The following ADAMTS8 variants were observed in gnomAD, a reference collection of about 807,000 sequenced individuals.
ADAMTS8 encodes ADAM metallopeptidase with thrombospondin type 1 motif 8.
Under a neutral mutation model 64.4 loss-of-function variants are expected in ADAMTS8, and 50 were observed. The observed-to-expected ratio is 0.78, with a 90% confidence interval of 0.62 to 0.98. ADAMTS8 has a LOEUF of 0.98. ADAMTS8 is among the 50% of genes least tolerant of loss of function. ADAMTS8 has a pLI of 0.00. For synonymous variants in ADAMTS8, 556 were observed against 533.6 expected, an observed-to-expected ratio of 1.04 and a Z score of -0.58; for missense variants, 1,192 against 1,208.2, an observed-to-expected ratio of 0.99 and a Z score of 0.20.
At position 130,428,296 on chromosome 11, in the gene ADAMTS8, G is replaced by A; in HGVS notation, c.-10C>T. 8.1e-7 allele frequency: 1 copy of A among 1,241,976 alleles called. No individual in the cohort carries two copies. Among genetic ancestry groups the A allele is most frequent in the South Asian group, 2.2e-5 (1 of 44,592 alleles). The allele number at this position is 1,241,976 out of a possible 1,614,324, so 76.9% of individuals were successfully genotyped here. ...CGGGGGCGGGGAGCATGGGGGCTGC[G>A]GCGGTGGCTGCGCGCAGGAGAGGGA... On this transcript the variant is annotated 5_prime_UTR_variant, in exon 1 of 9. Coordinates refer to ENST00000257359, the MANE Select transcript of ADAMTS8 (RefSeq NM_007037.6).
chr11:130,412,212 C>A (rs901034113), intron 5 of ADAMTS8: 1 of 152,302 alleles, frequency 6.6e-6, no homozygotes, highest in African/African-American at 2.4e-5. Context: ...GGGAAAGAAA[C>A]AGAATTGCTT....
chr11:130,428,117 A>G lies in ADAMTS8; in HGVS notation c.170T>C (p.Leu57Pro). 1 of 1,517,884 alleles carries G rather than the reference A, an allele frequency of 6.6e-7. No homozygotes were observed. The highest frequency in any genetic ancestry group is 1.2e-5 in the South Asian group (1 of 82,186). 94.0% of individuals were successfully genotyped at this position (1,517,884 alleles called of 1,614,324 possible). Residue 57 changes from leucine (L) to proline (P), a missense_variant, in exon 1 of 9, where the codon CTG becomes CCG. Coordinates refer to ENST00000257359, the MANE Select transcript of ADAMTS8 (RefSeq NM_007037.6). ...CACGAAGCCCTTGCCGAAGGCGGAC[A>G]GGTGGAGCGCGAGCTCGCCCGCGCT... is the stretch of plus-strand genomic sequence containing the variant. Reference protein sequence around the residue: ...PGSAGELALHLSAFGKGFVLR... With the variant: ...PGSAGELALHPSAFGKGFVLR...
chr11:130,411,126 A>C lies in ADAMTS8; in HGVS notation c.1750+291T>G, dbSNP rs1592129266. Among the ~76,000 whole-genome samples the C allele has an allele frequency of 6.6e-6, 1 of 152,254 alleles. No homozygotes were observed. Among genetic ancestry groups the C allele is most frequent in the African/African-American group, 2.4e-5 (1 of 41,554 alleles). On this transcript the variant is annotated intron_variant, in intron 6 of 8. Transcript: ENST00000257359. This position sits in a 1 kb window ranked among gnomAD's most constrained non-coding sequence, Gnocchi z 4.2. ...TTGGGAGTGATGTCCTCCTCTCCAC[A>C]TCTTGGAAGATGAGCGTAATTTCTC...
At chr11:130,427,149 A>G (rs527577743) in intron 1 of ADAMTS8, among the ~76,000 whole-genome samples, 81 of 152,332 alleles carry the variant, frequency 5.3e-4, no homozygotes, top group African/African-American at 1.8e-3. Context: ...TCAGATCTGG[A>G]GGCAGTAGAG....
chr11:130,407,384 T>A (rs1237125297), intron 8 of ADAMTS8, among the ~76,000 whole-genome samples: 7 of 151,256 alleles, frequency 4.6e-5, no homozygotes, highest in African/African-American at 1.2e-4. Flanking sequence ...AAAAATAAAT[T>A]AAAAAAAATG....
intron 1 of ADAMTS8, among the ~76,000 whole-genome samples, chr11:130,420,368 C>T (rs757989970): frequency 3.3e-5 from 5 of 152,302 alleles, no homozygotes; most frequent in South Asian, 4.1e-4. Flanking sequence ...GATGGGAACT[C>T]GCTCTCCTGC....
intron 1 of ADAMTS8, among the ~76,000 whole-genome samples, chr11:130,420,385 G>A (rs746644736): frequency 3.3e-5 from 5 of 152,172 alleles, no homozygotes; most frequent in African/African-American, 4.8e-5. Context: ...CTGCCTCAGC[G>A]ACCCCTTGAA....
At chr11:130,426,362 T>A (rs748150787) in intron 1 of ADAMTS8, among the ~76,000 whole-genome samples, 4 of 152,216 alleles carry the variant, frequency 2.6e-5, no homozygotes, top group Non-Finnish European at 5.9e-5. Flanking sequence ...AGGCAATGCC[T>A]ATGCCCTTGG....
chr11:130,428,571 G>T lies in ADAMTS8; in HGVS notation c.-285C>A, dbSNP rs563151610. On this transcript the variant is annotated 5_prime_UTR_variant, in exon 1 of 9. Coordinates refer to ENST00000257359, the MANE Select transcript of ADAMTS8 (RefSeq NM_007037.6). ...CCGCCCCTGCCCGCGCCAGCCCCGC[G>T]CAGCCGCCTCCTGCCTCCTCCCCAC... 6.3e-6 allele frequency: 3 copies of T among 477,590 alleles called. No individual in the cohort carries two copies. Among genetic ancestry groups the T allele is most frequent in the South Asian group, 1.7e-4 (2 of 11,980 alleles). 29.6% of individuals were successfully genotyped at this position (477,590 alleles called of 1,614,324 possible). A position where few individuals can be genotyped will look rare whatever the true frequency, so the allele number is the denominator to read the frequency against.
rs1352095842 is a variant in ADAMTS8, at chr11:130,419,906, C to T, written c.721-614G>A. Among the ~76,000 whole-genome samples the T allele has an allele frequency of 2.0e-5, 3 of 152,172 alleles. No individual in the cohort carries two copies. The East Asian group carries it at 5.8e-4, about 29-fold the overall frequency. On this transcript the variant is annotated intron_variant, in intron 1 of 8. Coordinates refer to ENST00000257359, the MANE Select transcript of ADAMTS8 (RefSeq NM_007037.6). ...CTCTTTGGGGGGGGATTTGTTAACA[C>T]TGAAAACTTTGCTGTGATAATCACT...
chr11:130,417,123 G>A (rs769723064), intron 2 of ADAMTS8, 48 bp from the exon 3 acceptor site: 4 of 1,608,254 alleles, frequency 2.5e-6, no homozygotes, highest in Middle Eastern at 1.8e-4. Flanking sequence ...TGTGTGTGGG[G>A]TGCGCTGCAG....
chr11:130,424,361 G>A (rs995568334), intron 1 of ADAMTS8, among the ~76,000 whole-genome samples: 1 of 152,206 alleles, frequency 6.6e-6, no homozygotes, highest in African/African-American at 2.4e-5. Flanking sequence ...TTTCATGGAG[G>A]TGATGTGTGT....
rs971234211 is a variant in ADAMTS8 at position 130,424,709 on chromosome 11, T to C, written c.720+2858A>G. 6.6e-5 allele frequency among the ~76,000 whole-genome samples: 10 copies of C among 152,316 alleles called. No individual in the cohort carries two copies. The South Asian group carries it at 1.0e-3, about 16-fold the overall frequency. ...TTCATTCTTCTCTCAGCTGGGCTCA[T>C]GGATCTGTTTTCGGAAGCGCAGGGG... On this transcript the variant is annotated intron_variant, in intron 1 of 8. Transcript: ENST00000257359.
chr11:130,406,637 GTAT>G (rs67994321), intron 8 of ADAMTS8, among the ~76,000 whole-genome samples: 18,102 of 148,534 alleles, frequency 0.12, 1,410 homozygotes, highest in African/African-American at 0.22. Flanking sequence ...TCGGCTCCTA[GTAT>G]TTGATGAATA....
At position 130,411,517 on chromosome 11, in the gene ADAMTS8, G is replaced by T; in HGVS notation, c.1650C>A (p.His550Gln). ...RTCGGGVQFS[H>Q]RECKDPEPQN... ...GAGGCTCGGGGTCCTTGCACTCACG[G>T]TGTGAAAACTGTACTCCTCCTCCAC... The change falls in exon 6 of 9, where the codon CAC becomes CAA. Residue 550 changes from histidine (H) to glutamine (Q), a missense_variant. Physicochemically the swap from His to Gln is conservative, Grantham distance 24 (BLOSUM62 0). Coordinates refer to ENST00000257359, the MANE Select transcript of ADAMTS8 (RefSeq NM_007037.6). This position sits in a 1 kb window ranked among gnomAD's most constrained non-coding sequence, Gnocchi z 4.2. 1.2e-6 allele frequency: 2 copies of T among 1,614,162 alleles called. No individual in the cohort carries two copies. The highest frequency in any genetic ancestry group is 1.7e-6 in the Non-Finnish European group (2 of 1,180,038).
At chr11:130,420,859 C>CA (rs2134688309) in intron 1 of ADAMTS8, among the ~76,000 whole-genome samples, 1 of 152,284 alleles carries the variant, frequency 6.6e-6, no homozygotes, top group South Asian at 2.1e-4. Context: ...CATCATTATG[C>CA]AACCGGGGGT....
Position 130,417,080 on chromosome 11 carries a change from G to C in ADAMTS8, c.961-5C>G. ...CCCCTCCTGCCCACAGAAGTTCTGC[G>C]TGGCGGGGAGAGAGCAAGAGAGTGC... On this transcript the variant is annotated splice_polypyrimidine_tract_variant and splice_region_variant and intron_variant, in intron 2 of 8. Transcript: ENST00000257359. 6 of 1,613,744 alleles carry C rather than the reference G, an allele frequency of 3.7e-6. No homozygotes were observed. The highest frequency in any genetic ancestry group is 5.1e-6 in the Non-Finnish European group (6 of 1,179,966).
chr11:130,422,533 G>A (rs926096832), intron 1 of ADAMTS8, among the ~76,000 whole-genome samples: 1 of 152,160 alleles, frequency 6.6e-6, no homozygotes, highest in African/African-American at 2.4e-5. Flanking sequence ...AAGTGGCCCC[G>A]GGAAGCTCTT....
At chr11:130,425,161 A>T (rs1197402241) in intron 1 of ADAMTS8, among the ~76,000 whole-genome samples, 3 of 152,084 alleles carry the variant, frequency 2.0e-5, no homozygotes, top group African/African-American at 4.8e-5. Context: ...TGAGGATGGC[A>T]ATGCCTGGGT....
Sources: gnomAD v4.1 joint callset for allele counts (sites outside exome capture counted in the v4.1 genomes callset) on GRCh38, gnomAD v4.1.1 for gene constraint, Gnocchi (gnomAD v3.1) non-coding constraint, MANE v1.5 for transcripts, NCBI Gene and HGNC (gene_info 2026-07-23, HGNC 2026-07-21) for gene names.